The following RASGRP1 variants were observed in gnomAD, a reference collection of about 807,000 sequenced individuals.
RASGRP1 encodes the protein RAS guanyl releasing protein 1.
RASGRP1 carries 37 observed loss-of-function variants against 95.1 expected under a neutral mutation model. That is an observed-to-expected ratio of 0.39 (90% CI 0.30 to 0.51). The LOEUF is 0.51. Among genes scored for constraint, RASGRP1 ranks in the 20% least tolerant of loss-of-function variants. RASGRP1 has a pLI of 0.80. For synonymous variants in RASGRP1, 325 were observed against 353.4 expected (o/e 0.92, Z 0.90); for missense variants, 711 against 965.4 (o/e 0.74, Z 3.49).
chr15:38,523,712 C>A (rs542553180), intron 3 of RASGRP1, among the ~76,000 whole-genome samples: 1 of 152,194 alleles, frequency 6.6e-6, no homozygotes, highest in Admixed American at 6.5e-5. Flanking sequence ...ATTTTTTAAT[C>A]TTTTATACCA....
At chr15:38,493,094 A>G (rs62003580) in intron 16 of RASGRP1, among the ~76,000 whole-genome samples, 1,699 of 146,788 alleles carry the variant, frequency 0.012, 20 homozygotes, top group Non-Finnish European at 0.019. Flanking sequence ...GTTAGCCAGG[A>G]TGGTCTTGAT....
chr15:38,533,856 T>C (rs1360643932), intron 2 of RASGRP1, among the ~76,000 whole-genome samples: 1 of 152,230 alleles, frequency 6.6e-6, no homozygotes, highest in East Asian at 1.9e-4. Flanking sequence ...TGGTTTGTAG[T>C]GTTCACGTAT....
intron 16 of RASGRP1, among the ~76,000 whole-genome samples, chr15:38,490,937 T>C (rs756015021): frequency 6.6e-5 from 10 of 152,190 alleles, no homozygotes; most frequent in Non-Finnish European, 1.3e-4. Context: ...GAATAAACCA[T>C]TTCCGAGCAA....
chr15:38,562,719 C>A (rs1223024166), intron 1 of RASGRP1, among the ~76,000 whole-genome samples: 1 of 152,192 alleles, frequency 6.6e-6, no homozygotes. Flanking sequence ...GCTCTTCCTG[C>A]TAGGGGTGGA....
chr15:38,543,006 G>A (rs932048182), intron 2 of RASGRP1, among the ~76,000 whole-genome samples: 9 of 148,712 alleles, frequency 6.1e-5, no homozygotes, highest in African/African-American at 2.2e-4. Context: ...TTTCTTTAAT[G>A]GTATCTTTTG....
At chr15:38,542,895 G>GTA (rs373705786) in intron 2 of RASGRP1, among the ~76,000 whole-genome samples, 22 of 129,320 alleles carry the variant, frequency 1.7e-4, no homozygotes, top group South Asian at 2.4e-4. Flanking sequence ...ACATATATGT[G>GTA]TATATATATA....
chr15:38,536,418 C>T (rs1892648196), intron 2 of RASGRP1, among the ~76,000 whole-genome samples: 1 of 152,232 alleles, frequency 6.6e-6, no homozygotes, highest in Admixed American at 6.5e-5. Context: ...TCTTACCTTG[C>T]TCACTGGAGC....
At chr15:38,501,527 T>G in intron 12 of RASGRP1, 2 of 631,202 alleles carry the variant, frequency 3.2e-6, no homozygotes, top group Non-Finnish European at 2.9e-6. Context: ...CAAACTAGGT[T>G]TCCCTAACTA....
chr15:38,505,888 T>A lies in RASGRP1; in HGVS notation c.1275A>T (p.Glu425Asp). ...CCCGGGCATAGGAAAGCTCATAGATTTCATCCTCAGTGTAGTAAAGATCCA... is the reference window on the plus strand; with the variant it reads ...CCCGGGCATAGGAAAGCTCATAGATATCATCCTCAGTGTAGTAAAGATCCA... Reference protein sequence around the residue: ...LSLDLYYTEDEIYELSYAREP... With the variant: ...LSLDLYYTEDDIYELSYAREP... The change falls in exon 10 of 17, where the codon GAA becomes GAT. Residue 425 changes from glutamate to aspartate, a missense_variant. This residue lies in a region of RASGRP1 where 491 missense variants were observed against 676.6 expected (regional missense o/e 0.73). Coordinates refer to ENST00000310803, the MANE Select transcript of RASGRP1 (RefSeq NM_005739.4). 6.2e-7 allele frequency: 1 copy of A among 1,612,154 alleles called. No homozygotes were observed. Among genetic ancestry groups the A allele is most frequent in the Non-Finnish European group, 8.5e-7 (1 of 1,179,006 alleles).
At chr15:38,531,265 A>G (rs1032199217) in intron 2 of RASGRP1, among the ~76,000 whole-genome samples, 1 of 152,226 alleles carries the variant, frequency 6.6e-6, no homozygotes, top group Non-Finnish European at 1.5e-5. Context: ...GACCTGGCCC[A>G]AGGTCTGTCT....
At chr15:38,564,467 G>A in intron 1 of RASGRP1, 127 bp downstream of exon 1, 2 of 685,994 alleles carry the variant, frequency 2.9e-6, no homozygotes, top group South Asian at 6.2e-5. Flanking sequence ...CTGGTGTCCC[G>A]GGACTCCGGC....
chr15:38,496,214 T>C (rs921716509), intron 15 of RASGRP1, among the ~76,000 whole-genome samples: 1 of 152,180 alleles, frequency 6.6e-6, no homozygotes, highest in Non-Finnish European at 1.5e-5. Context: ...ATGGATGATA[T>C]CCAATAGTCA....
At position 38,498,887 on chromosome 15, in the gene RASGRP1, G is replaced by A; in HGVS notation, c.1780C>T (p.Arg594Ter). 2 of 1,613,856 alleles carry A rather than the reference G, an allele frequency of 1.2e-6. No individual in the cohort carries two copies. The highest frequency in any genetic ancestry group is 1.7e-6 in the Non-Finnish European group (2 of 1,179,872). Reference sequence around the variant, plus strand: ...GTGGGAGCTACTGGGTTCTTGGCTCGCTTCTTACACTCAAACACAACCAGA... The same window carrying A: ...GTGGGAGCTACTGGGTTCTTGGCTCACTTCTTACACTCAAACACAACCAGA... The part of the protein sequence containing the change: ...KDLVVFECKK[R>*]AKNPVAPTEN... Residue 594 changes from arginine (R) to a stop codon, truncating the protein, a stop_gained, in exon 15 of 17, where the codon CGA (arginine) becomes TGA (stop). Transcript: ENST00000310803. LOFTEE classifies it high-confidence loss of function.
At chr15:38,491,172 G>A (rs1221974761) in intron 16 of RASGRP1, among the ~76,000 whole-genome samples, 1 of 152,136 alleles carries the variant, frequency 6.6e-6, no homozygotes, top group Non-Finnish European at 1.5e-5. Context: ...AGATTTAGTG[G>A]TCTAATTTGT....
chr15:38,554,403 G>T lies in RASGRP1; in HGVS notation c.220+5418C>A, dbSNP rs1331230887. On this transcript the variant is annotated intron_variant, in intron 2 of 16. Transcript: ENST00000310803. ...CTACTGTCTGTCTCCAGCTCTCTCA[G>T]AAGTAAAACTCATCTCTCTGGATGG... Among the ~76,000 whole-genome samples the T allele has an allele frequency of 2.6e-5, 4 of 152,192 alleles. No homozygotes were observed. The East Asian group carries it at 7.7e-4, about 29-fold the overall frequency.
At chr15:38,550,488 CT>C (rs961279457) in intron 2 of RASGRP1, among the ~76,000 whole-genome samples, 20 of 152,112 alleles carry the variant, frequency 1.3e-4, no homozygotes, top group African/African-American at 4.8e-4. Flanking sequence ...GAGTACTCTT[CT>C]TTTCTTGTAA....
chr15:38,546,920 CTT>C, intron 2 of RASGRP1, among the ~76,000 whole-genome samples: 1 of 152,266 alleles, frequency 6.6e-6, no homozygotes, highest in Non-Finnish European at 1.5e-5. Flanking sequence ...AAGTGCGAGA[CTT>C]TACGTTTTAT....
In RASGRP1 at chr15:38,526,299, A is replaced by C; in HGVS notation, c.326T>G (p.Leu109Arg). The C allele has an allele frequency of 6.2e-7, 1 of 1,609,786 alleles. No homozygotes were observed. Among genetic ancestry groups the C allele is most frequent in the Non-Finnish European group, 8.5e-7 (1 of 1,176,282 alleles). ...SAELLQKVITLYKDALAKNSP... is the reference protein window; with the variant it reads ...SAELLQKVITRYKDALAKNSP... ...TGCCAGTCACTATGTTAAAGGATAT[A>C]GGGTGATAACTTTTTGGAGCAGTTC... The change falls in exon 3 of 17, where the codon CTC becomes CGC. Residue 109 changes from leucine to arginine, a missense_variant and splice_region_variant. Leu to Arg is a moderately radical substitution (Grantham distance 102, BLOSUM62 -2). This residue lies in a region of RASGRP1 where 491 missense variants were observed against 676.6 expected (regional missense o/e 0.73). Transcript: ENST00000310803.
At chr15:38,528,639 T>G (rs1397334821) in intron 2 of RASGRP1, among the ~76,000 whole-genome samples, 1 of 152,238 alleles carries the variant, frequency 6.6e-6, no homozygotes, top group Non-Finnish European at 1.5e-5. Context: ...CAGCATGCTC[T>G]GTGGTTGAGT....
Sources: allele counts gnomAD v4.1 joint callset (sites outside exome capture counted in the v4.1 genomes callset), GRCh38; gene constraint gnomAD v4.1.1; regional missense constraint gnomAD v4.1.1; transcripts MANE v1.5; gene names NCBI Gene and HGNC (gene_info 2026-07-23, HGNC 2026-07-21).